The following ZNF536 variants were observed in gnomAD, a reference collection of about 807,000 sequenced individuals.
The protein encoded by ZNF536 is zinc finger protein 536.
Under a neutral mutation model 84.5 loss-of-function variants are expected in ZNF536, and 13 were observed. That is an observed-to-expected ratio of 0.15 (90% CI 0.10 to 0.24). The LOEUF (loss-of-function observed/expected upper bound fraction) is 0.24, where lower values mean the gene tolerates loss of function less well. ZNF536 is among the 10% of genes least tolerant of loss of function. The probability of loss-of-function intolerance (pLI) is 1.00; values close to 1 mark genes in which losing one functional copy is unlikely to be tolerated. For synonymous variants in ZNF536, 811 were observed against 742.5 expected (o/e 1.09, Z -1.50); for missense variants, 1,536 against 1,747.5 (o/e 0.88, Z 2.16).
chr19:30,636,858 C>A (rs2049087789), intron 1 of ZNF536, among the ~76,000 whole-genome samples: 1 of 152,126 alleles, frequency 6.6e-6, no homozygotes, highest in African/African-American at 2.4e-5. Flanking sequence ...TCATGTTTTC[C>A]TTTCTCCTGT....
intron 1 of ZNF536, among the ~76,000 whole-genome samples, chr19:30,591,214 G>A (rs890545761): frequency 4.6e-5 from 7 of 152,168 alleles, no homozygotes; most frequent in African/African-American, 1.4e-4. Context: ...GTCAGGGCAG[G>A]GATCCGAGGG....
chr19:30,433,955 G>A (rs2051596194), intron 1 of ZNF536, among the ~76,000 whole-genome samples: 1 of 124,336 alleles, frequency 8.0e-6, no homozygotes, highest in Non-Finnish European at 1.7e-5. Context: ...GGTAGAAAAT[G>A]CCTCATATTC....
At chr19:30,420,734 T>TTCTTATAACAACTTATAAA (rs1459854440) in intron 1 of ZNF536, among the ~76,000 whole-genome samples, 1 of 152,188 alleles carries the variant, frequency 6.6e-6, no homozygotes, top group Admixed American at 6.5e-5. Context: ...TATTTAGTTG[T>TTCTTATAACAACTTATAAA]TCTTATAAAG....
In ZNF536 at chr19:30,444,961, G is replaced by A. The variant is rs2148205818; in HGVS notation, c.1399G>A (p.Gly467Arg). The change falls in exon 2 of 5, where the codon GGG becomes AGG. Residue 467 changes from glycine to arginine, a missense_variant. By Grantham distance (125) the Gly-to-Arg change is moderately radical. This residue lies in a region of ZNF536 where 366 missense variants were observed against 364.4 expected (regional missense o/e 1.00). Coordinates refer to ENST00000355537, the MANE Select transcript of ZNF536 (RefSeq NM_014717.3). ...ELPMKEKEAL[G>R]KLLSPISSMA... ...GCCCATGAAGGAGAAGGAAGCGCTG[G>A]GGAAGCTGCTGTCTCCCATCTCCAG... is the stretch of plus-strand genomic sequence containing the variant. The A allele has an allele frequency of 1.2e-6, 2 of 1,611,736 alleles. No homozygotes were observed. Among genetic ancestry groups the A allele is most frequent in the East Asian group, 2.2e-5 (1 of 44,828 alleles).
At chr19:30,524,419 G>A (rs974016663) in intron 2 of ZNF536, among the ~76,000 whole-genome samples, 4 of 152,182 alleles carry the variant, frequency 2.6e-5, no homozygotes, top group South Asian at 2.1e-4. Context: ...ACAGGCCAGC[G>A]TTCATCAGGG....
In ZNF536 at chr19:30,564,559, G is replaced by A. The variant is rs1275156825; in HGVS notation, c.169+15045G>A. On this transcript the variant is annotated intron_variant, in intron 1 of 1. Coordinates refer to the ZNF536 transcript ENST00000592773. ...CCTGGTGGTCAGGCTGGGGAGAAGG[G>A]TGCTCAGTGGCTGTGGGTAGGGATG... 2.0e-5 allele frequency among the ~76,000 whole-genome samples: 3 copies of A among 152,100 alleles called. No homozygotes were observed. The East Asian group carries it at 5.8e-4, about 29-fold the overall frequency.
intron 2 of ZNF536, among the ~76,000 whole-genome samples, chr19:30,506,367 A>G (rs959311313): frequency 6.6e-6 from 1 of 152,202 alleles, no homozygotes; most frequent in Admixed American, 6.5e-5. Flanking sequence ...CAAACAAACA[A>G]CAAAATCTAA....
chr19:30,318,220 T>C (rs933257162), intron 2 of ZNF536, among the ~76,000 whole-genome samples: 51 of 152,266 alleles, frequency 3.3e-4, no homozygotes, highest in Middle Eastern at 3.4e-3. Flanking sequence ...GTTGCATATT[T>C]GCCCAGAACT....
chr19:30,540,268 A>G (rs1041536500), intron 3 of ZNF536, among the ~76,000 whole-genome samples: 4 of 151,970 alleles, frequency 2.6e-5, no homozygotes, highest in African/African-American at 4.8e-5. Context: ...TCCCTTTCCT[A>G]TAGGACCAAG....
At chr19:30,565,567 T>C (rs965882496) in intron 1 of ZNF536, among the ~76,000 whole-genome samples, 2 of 152,250 alleles carry the variant, frequency 1.3e-5, no homozygotes, top group African/African-American at 4.8e-5. Context: ...CAGTCTTTTT[T>C]CTTTTTCTTT....
intron 3 of ZNF536, among the ~76,000 whole-genome samples, chr19:30,358,165 T>C (rs2048159016): frequency 6.6e-6 from 1 of 152,208 alleles, no homozygotes; most frequent in South Asian, 2.1e-4. Flanking sequence ...ATTCCTAGGC[T>C]TATGGAACCC....
At position 30,463,811 on chromosome 19, in the gene ZNF536, CG is replaced by C. The variant is rs746876733; in HGVS notation, c.2170+18080del. The stretch of plus-strand genomic sequence containing the variant: ...GCAGGTTACCAGGTGCATGAGGGAG[CG>C]TGGGGGTTTGAGATGGGGTGCAGGC... On this transcript the variant is annotated intron_variant, in intron 2 of 4. Coordinates refer to ENST00000355537, the MANE Select transcript of ZNF536 (RefSeq NM_014717.3). 5.9e-5 allele frequency among the ~76,000 whole-genome samples: 9 copies of C among 151,924 alleles called. No homozygotes were observed. The South Asian group carries it at 1.9e-3, about 32-fold the overall frequency.
At chr19:30,447,207 C>A (rs972254620) in intron 2 of ZNF536, among the ~76,000 whole-genome samples, 1 of 152,194 alleles carries the variant, frequency 6.6e-6, no homozygotes, top group Admixed American at 6.5e-5. Context: ...TGATCCCCCC[C>A]ACCCTCACTC....
intron 2 of ZNF536, among the ~76,000 whole-genome samples, chr19:30,462,450 G>A (rs984998931): frequency 7.2e-5 from 11 of 152,142 alleles, no homozygotes; most frequent in Middle Eastern, 3.4e-3. Flanking sequence ...AGGTAGCTGC[G>A]GGTGCATGTA....
chr19:30,267,983 A>G (rs2025605673), intron 1 of ZNF536, among the ~76,000 whole-genome samples: 1 of 151,710 alleles, frequency 6.6e-6, no homozygotes, highest in East Asian at 1.9e-4. Flanking sequence ...GCACACCTAT[A>G]TAATTTCTCA....
chr19:30,274,094 G>T (rs1418829236), intron 1 of ZNF536, among the ~76,000 whole-genome samples: 3 of 152,148 alleles, frequency 2.0e-5, no homozygotes, highest in Admixed American at 1.3e-4. Context: ...AACAAAAAGT[G>T]ACCCCTGTAA....
chr19:30,237,043 A>ATTT (rs10629452), intron 1 of ZNF536, among the ~76,000 whole-genome samples: 2 of 147,630 alleles, frequency 1.4e-5, no homozygotes, highest in Non-Finnish European at 3.0e-5. Flanking sequence ...TTCTTGTGAG[A>ATTT]TTTTTTTTTT....
chr19:30,704,433 G>A (rs1381545962), intron 1 of ZNF536, among the ~76,000 whole-genome samples: 1 of 151,948 alleles, frequency 6.6e-6, no homozygotes, highest in Non-Finnish European at 1.5e-5. Flanking sequence ...GATCACCTGA[G>A]GTCAGGAGTT....
intron 1 of ZNF536, among the ~76,000 whole-genome samples, chr19:30,229,974 A>T (rs2022913195): frequency 6.6e-6 from 1 of 152,136 alleles, no homozygotes; most frequent in African/African-American, 2.4e-5. Context: ...TAAGACTTTC[A>T]TTTCCAGAAG....
Sources: gnomAD v4.1 joint callset for allele counts (sites outside exome capture counted in the v4.1 genomes callset) on GRCh38, gnomAD v4.1.1 for gene constraint, gnomAD v4.1.1 regional missense constraint, MANE v1.5 for transcripts, NCBI Gene and HGNC (gene_info 2026-07-23, HGNC 2026-07-21) for gene names.